CKAP2: variants seen among roughly 807,000 people sequenced by gnomAD.
CKAP2 encodes the protein cytoskeleton-associated protein 2.
CKAP2 carries 46 observed loss-of-function variants against 58.4 expected under a neutral mutation model. That is an observed-to-expected ratio of 0.79 (90% CI 0.62 to 1.01). The LOEUF (loss-of-function observed/expected upper bound fraction) is 1.01. Ranked by LOEUF, CKAP2 falls within the 50% of genes least tolerant of loss-of-function variation. The probability of loss-of-function intolerance (pLI) is 0.00; values close to 1 mark genes in which losing one functional copy is unlikely to be tolerated. For missense variants in CKAP2, 809 were observed against 796.4 expected, an observed-to-expected ratio of 1.02 and a Z score of -0.19; for synonymous variants, 293 against 280.9, an observed-to-expected ratio of 1.04 and a Z score of -0.43.
At chr13:52,457,667 A>G (rs1467899187) in intron 2 of CKAP2, among the ~76,000 whole-genome samples, 1 of 152,170 alleles carries the variant, frequency 6.6e-6, no homozygotes, top group Non-Finnish European at 1.5e-5. Context: ...AGCCTGGCTA[A>G]CACAGTGAAA....
At chr13:52,465,714 T>C (rs971921687) in intron 6 of CKAP2, 1 of 581,584 alleles carries the variant, frequency 1.7e-6, no homozygotes, top group Non-Finnish European at 3.2e-6. Flanking sequence ...TGAAACTTTC[T>C]GCATGAAATG....
Position 52,476,103 on chromosome 13 carries a change from A to G in CKAP2, c.*962A>G, listed in dbSNP as rs1324793616. 1 of 152,182 alleles carries G rather than the reference A, an allele frequency of 6.6e-6. No individual in the cohort carries two copies. The highest frequency in any genetic ancestry group is 1.9e-4 in the East Asian group (1 of 5,196). The allele number at this position is 152,182 out of a possible 1,614,324, so 9.4% of individuals were successfully genotyped here. A position where few individuals can be genotyped will look rare whatever the true frequency, so the allele number is the denominator to read the frequency against. On this transcript the variant is annotated 3_prime_UTR_variant, in exon 9 of 9. Coordinates refer to ENST00000258607, the MANE Select transcript of CKAP2 (RefSeq NM_018204.5). The stretch of plus-strand genomic sequence containing the variant: ...TTTCTCTCCACACATAAATAACACC[A>G]CTAAAGTTGTTTTGTAAGGTTCCAA...
chr13:52,456,109 CTAATA>C, intron 1 of CKAP2: 6 of 1,018,800 alleles, frequency 5.9e-6, no homozygotes, highest in Non-Finnish European at 7.0e-6. Context: ...GTCTTCAAAA[CTAATA>C]TTGTTATTCC....
At chr13:52,470,876 C>T (rs1958752124) in intron 7 of CKAP2, among the ~76,000 whole-genome samples, 1 of 152,002 alleles carries the variant, frequency 6.6e-6, no homozygotes, top group South Asian at 2.1e-4. Flanking sequence ...TAACCCAGTC[C>T]TGGCCGGGCA....
intron 2 of CKAP2, among the ~76,000 whole-genome samples, chr13:52,458,898 A>G (rs551641831): frequency 6.6e-6 from 1 of 152,074 alleles, no homozygotes; most frequent in Non-Finnish European, 1.5e-5. Flanking sequence ...TTTAAATGTT[A>G]TCACCTCAGC....
chr13:52,455,914 C>A (rs1421828005), intron 1 of CKAP2: 1 of 1,143,614 alleles, frequency 8.7e-7, no homozygotes, highest in Non-Finnish European at 1.1e-6. Flanking sequence ...AGGCCGGGGT[C>A]GGTGTCGGAG....
At chr13:52,466,862 G>T (rs541990806) in intron 6 of CKAP2, among the ~76,000 whole-genome samples, 2 of 152,034 alleles carry the variant, frequency 1.3e-5, no homozygotes, top group East Asian at 3.9e-4. Flanking sequence ...TTGGGAAGCC[G>T]AGGCGGGAGG....
intron 6 of CKAP2, chr13:52,465,770 G>A (rs954540450): frequency 2.1e-6 from 1 of 478,616 alleles, no homozygotes; most frequent in Non-Finnish European, 4.1e-6. Flanking sequence ...AGTTTACTGG[G>A]AGACTGAATG....
chr13:52,465,063 A>T (rs1325489559), intron 5 of CKAP2, among the ~76,000 whole-genome samples: 1 of 152,226 alleles, frequency 6.6e-6, no homozygotes, highest in Non-Finnish European at 1.5e-5. Flanking sequence ...ATTCTTACTC[A>T]TAAACATTTG....
intron 5 of CKAP2, among the ~76,000 whole-genome samples, chr13:52,463,609 C>T (rs1193479426): frequency 4.6e-5 from 7 of 152,168 alleles, no homozygotes; most frequent in Admixed American, 1.3e-4. Flanking sequence ...CAATCTCCAT[C>T]TATGATGTTG....
intron 1 of CKAP2, chr13:52,455,961 C>T: frequency 9.0e-7 from 1 of 1,113,662 alleles, no homozygotes; most frequent in Non-Finnish European, 1.1e-6. Flanking sequence ...TGCACAGGTT[C>T]AGGGACCGAC....
rs758517766 is a variant in CKAP2 at position 52,461,933 on chromosome 13, A to T, written c.1100+7A>T. ...AAACCTCGGAAGAGAGAAAGTAAGT[A>T]GATATAATTTTCTTTATTACATTAG... On this transcript the variant is annotated splice_region_variant and intron_variant, in intron 4 of 8. Coordinates refer to ENST00000258607, the MANE Select transcript of CKAP2 (RefSeq NM_018204.5). 1.3e-6 allele frequency: 2 copies of T among 1,570,670 alleles called. No individual in the cohort carries two copies. Among genetic ancestry groups the T allele is most frequent in the East Asian group, 4.5e-5 (2 of 44,498 alleles).
chr13:52,474,107 G>T (rs746838789), intron 8 of CKAP2, 23 bp downstream of exon 8: 1 of 1,592,156 alleles, frequency 6.3e-7, no homozygotes, highest in Non-Finnish European at 8.6e-7. Context: ...AATGTACCAT[G>T]ATTTGTTTTC....
rs1013195319 is a variant in CKAP2, at chr13:52,475,614, A to G, written c.*473A>G. The G allele has an allele frequency of 1.3e-5, 2 of 153,020 alleles. No homozygotes were observed. The highest frequency in any genetic ancestry group is 4.8e-5 in the African/African-American group (2 of 41,444). The allele number at this position is 153,020 out of a possible 1,614,324, so 9.5% of individuals were successfully genotyped here. A position where few individuals can be genotyped will look rare whatever the true frequency, so the allele number is the denominator to read the frequency against. On this transcript the variant is annotated 3_prime_UTR_variant, in exon 9 of 9. Coordinates refer to ENST00000258607, the MANE Select transcript of CKAP2 (RefSeq NM_018204.5). Reference sequence around the variant, plus strand: ...TCAGATTAGTCAAAAATTCTATAGAATGACTCACTTCGAATACTAAGACAC... The same window carrying G: ...TCAGATTAGTCAAAAATTCTATAGAGTGACTCACTTCGAATACTAAGACAC...
At chr13:52,457,794 C>T (rs1958510427) in intron 2 of CKAP2, among the ~76,000 whole-genome samples, 1 of 151,672 alleles carries the variant, frequency 6.6e-6, no homozygotes, top group Non-Finnish European at 1.5e-5. Flanking sequence ...ATGGAGGTTG[C>T]AGTGAGCCGA....
intron 7 of CKAP2, among the ~76,000 whole-genome samples, chr13:52,468,703 C>T (rs991366173): frequency 6.6e-6 from 1 of 152,198 alleles, no homozygotes; most frequent in Non-Finnish European, 1.5e-5. Context: ...CTGCAAAGGA[C>T]ATGATCTCAT....
At chr13:52,462,692 A>AT in intron 5 of CKAP2, 125 bp downstream of exon 5, 1 of 696,272 alleles carries the variant, frequency 1.4e-6, no homozygotes. Flanking sequence ...TTGACTTAAC[A>AT]TTAACTGTGA....
Position 52,461,683 on chromosome 13 carries a change from A to G in CKAP2, c.857A>G (p.Glu286Gly). The G allele has an allele frequency of 6.2e-7, 1 of 1,614,004 alleles. No individual in the cohort carries two copies. Among genetic ancestry groups the G allele is most frequent in the South Asian group, 1.1e-5 (1 of 91,040 alleles). The change falls in exon 4 of 9, where the codon GAA becomes GGA. Residue 286 changes from glutamate to glycine, a missense_variant. Glu to Gly is a moderately conservative substitution (Grantham distance 98, BLOSUM62 -2). Coordinates refer to ENST00000258607, the MANE Select transcript of CKAP2 (RefSeq NM_018204.5). ...GTTACAATCCGGAAAGGGCCTCATGAAAAAGAACTATTACAATCAAAAACA... is the reference window on the plus strand; with the variant it reads ...GTTACAATCCGGAAAGGGCCTCATGGAAAAGAACTATTACAATCAAAAACA... Reference protein sequence around the residue: ...ANVTIRKGPHEKELLQSKTAL... With the variant: ...ANVTIRKGPHGKELLQSKTAL...
At position 52,468,278 on chromosome 13, in the gene CKAP2, C is replaced by A; in HGVS notation, c.1477C>A (p.Pro493Thr). ...TGCTTTCTTCATTAAAAAAATTAAG[C>A]CTATTGAAGAGATGCGACACACGAT... ...YEKAILAGAQPIEEMRHTIVD... is the reference protein window; with the variant it reads ...YEKAILAGAQTIEEMRHTIVD... The change falls in exon 7 of 9, where the codon CCT (proline) becomes ACT (threonine). Residue 493 changes from proline to threonine, a missense_variant and splice_region_variant. Physicochemically the swap from Pro to Thr is conservative, Grantham distance 38 (BLOSUM62 -1). Transcript: ENST00000258607. The A allele has an allele frequency of 6.4e-7, 1 of 1,567,246 alleles. No individual in the cohort carries two copies. Among genetic ancestry groups the A allele is most frequent in the Non-Finnish European group, 8.7e-7 (1 of 1,153,588 alleles).
Sources: gnomAD v4.1 joint callset for allele counts (sites outside exome capture counted in the v4.1 genomes callset) on GRCh38, gnomAD v4.1.1 for gene constraint, MANE v1.5 for transcripts, NCBI Gene and HGNC (gene_info 2026-07-23, HGNC 2026-07-21) for gene names.